Variants in CACNA1I observed in about 807,000 individuals in gnomAD.
CACNA1I encodes the protein voltage-dependent T-type calcium channel subunit alpha-1I.
CACNA1I carries 74 observed loss-of-function variants against 201.6 expected under a neutral mutation model. The observed-to-expected ratio is 0.37, with a 90% CI of 0.30 to 0.45. The LOEUF is 0.45. Among genes scored for constraint, CACNA1I ranks in the 20% least tolerant of loss-of-function variants. CACNA1I has a pLI of 1.00. For missense variants in CACNA1I, 2,346 were observed against 3,138.1 expected, an observed-to-expected ratio of 0.75 and a Z score of 6.03; for synonymous variants, 1,431 against 1,345.2, an observed-to-expected ratio of 1.06 and a Z score of -1.40.
Position 39,672,200 on chromosome 22 carries a change from C to A in CACNA1I, c.4541C>A (p.Ser1514Tyr). The stretch of plus-strand genomic sequence containing the variant: ...ATGCTTCTCTTTGTTCCTCCATAGT[C>A]CCTGGAGACAGCCCTCAAGTACTGC... ...MSLEHYNQPT[S>Y]LETALKYCNY... is the part of the protein sequence containing the mutation. Residue 1514 changes from serine (S) to tyrosine (Y), a missense_variant and splice_region_variant, in exon 27 of 37, where the codon TCC becomes TAC. Ser to Tyr is a moderately radical substitution (Grantham distance 144, BLOSUM62 -2). Transcript: ENST00000402142. 6.2e-7 allele frequency: 1 copy of A among 1,604,992 alleles called. No homozygotes were observed. Among genetic ancestry groups the A allele is most frequent in the Non-Finnish European group, 8.5e-7 (1 of 1,171,794 alleles).
chr22:39,655,898 T>A (rs968137516), intron 10 of CACNA1I, among the ~76,000 whole-genome samples: 3 of 152,196 alleles, frequency 2.0e-5, no homozygotes, highest in Non-Finnish European at 4.4e-5. Flanking sequence ...AGTGGCTCCC[T>A]GCATCCCTGG....
intron 1 of CACNA1I, chr22:39,571,240 G>A (rs1396112011): frequency 2.4e-5 from 13 of 548,008 alleles, no homozygotes; most frequent in Admixed American, 3.1e-5. Flanking sequence ...CCAGTGGCTG[G>A]CTGGCTCAGA....
chr22:39,662,755 G>GCT, intron 17 of CACNA1I, 21 bp from the exon 18 acceptor site: 1 of 1,527,942 alleles, frequency 6.5e-7, no homozygotes, highest in Non-Finnish European at 8.9e-7. Context: ...GACCCCCGGC[G>GCT]CTCCGTCCTC....
chr22:39,652,286 G>T (rs149959708), intron 10 of CACNA1I, among the ~76,000 whole-genome samples: 1 of 152,020 alleles, frequency 6.6e-6, no homozygotes, highest in Admixed American at 6.6e-5. Context: ...ATGAGCCACC[G>T]TGCCCAGCCA....
At position 39,662,003 on chromosome 22, in the gene CACNA1I, C is replaced by T; in HGVS notation, c.2940C>T (p.Arg980=). ...SRSSYYGPWG[R]SAAWASRRSS... is the part of the protein sequence containing the mutation. ...GCTCCTACTACGGGCCATGGGGCCG[C>T]AGCGCGGCCTGGGCCAGCCGTCGCT... is the stretch of plus-strand genomic sequence containing the variant. The change falls in exon 17 of 37, where the codon CGC becomes CGT. Residue 980 remains arginine (R), a synonymous_variant. Coordinates refer to ENST00000402142, the MANE Select transcript of CACNA1I (RefSeq NM_021096.4). The T allele has an allele frequency of 5.8e-6, 9 of 1,564,200 alleles. No individual in the cohort carries two copies. Among genetic ancestry groups the T allele is most frequent in the Non-Finnish European group, 7.8e-6 (9 of 1,159,932 alleles).
chr22:39,615,342 G>A (rs745653429), intron 3 of CACNA1I, among the ~76,000 whole-genome samples: 4 of 152,160 alleles, frequency 2.6e-5, no homozygotes, highest in African/African-American at 4.8e-5. Context: ...GGTTTTAAGT[G>A]GGAGTGACAC....
intron 1 of CACNA1I, among the ~76,000 whole-genome samples, chr22:39,581,860 A>G (rs1932562261): frequency 6.6e-6 from 1 of 152,154 alleles, no homozygotes; most frequent in Admixed American, 6.5e-5. Context: ...TCATCTGCCG[A>G]GTGGAGCCAT....
In CACNA1I at chr22:39,658,926, C is replaced by G. The variant is rs184179634; in HGVS notation, c.2145-5C>G. On this transcript the variant is annotated splice_polypyrimidine_tract_variant and splice_region_variant and intron_variant, in intron 11 of 36. Transcript: ENST00000402142. ...GTACCCTGGGCCTGCCCTGCGGGACCGCAGCATCTGGGAGATTGTGGGGCA... is the reference window on the plus strand; with the variant it reads ...GTACCCTGGGCCTGCCCTGCGGGACGGCAGCATCTGGGAGATTGTGGGGCA... 1 of 1,587,624 alleles carries G rather than the reference C, an allele frequency of 6.3e-7. No individual in the cohort carries two copies.
chr22:39,646,431 A>G, intron 7 of CACNA1I, 138 bp from the exon 8 acceptor site: 3 of 1,322,482 alleles, frequency 2.3e-6, no homozygotes, highest in South Asian at 1.6e-5. Flanking sequence ...CGCCATCTCC[A>G]TCTCCATCTC....
intron 1 of CACNA1I, among the ~76,000 whole-genome samples, chr22:39,590,456 C>A (rs932882404): frequency 3.3e-5 from 5 of 152,214 alleles, no homozygotes; most frequent in Non-Finnish European, 5.9e-5. Context: ...GGGACACAGC[C>A]AGACGGGCTG....
Position 39,662,186 on chromosome 22 carries a change from T to C in CACNA1I, c.3123T>C (p.His1041=). 1 of 1,528,958 alleles carries C rather than the reference T, an allele frequency of 6.5e-7. No homozygotes were observed. 94.7% of individuals were successfully genotyped at this position (1,528,958 alleles called of 1,614,324 possible). A position where few individuals can be genotyped will look rare whatever the true frequency, so the allele number is the denominator to read the frequency against. The change falls in exon 17 of 37, where the codon CAT becomes CAC. Residue 1041 remains histidine, a synonymous_variant. Coordinates refer to ENST00000402142, the MANE Select transcript of CACNA1I (RefSeq NM_021096.4). ...PLHTPHAHHI[H]HGPHLAHRHR... ...ACACCCCACACGCCCACCACATTCA[T>C]CACGGGCCCCATCTGGCGCACCGCC...
At chr22:39,578,472 T>C (rs1304861168) in intron 1 of CACNA1I, among the ~76,000 whole-genome samples, 1 of 152,052 alleles carries the variant, frequency 6.6e-6, no homozygotes, top group Non-Finnish European at 1.5e-5. Flanking sequence ...CCTGGGACCT[T>C]GCCCCACGTG....
intron 3 of CACNA1I, among the ~76,000 whole-genome samples, chr22:39,605,275 A>T (rs1933187012): frequency 1.3e-5 from 2 of 152,184 alleles, no homozygotes; most frequent in South Asian, 4.1e-4. Context: ...CACGGCCTTC[A>T]TCTCCACATC....
At chr22:39,669,274 G>A (rs543722477) in intron 24 of CACNA1I, among the ~76,000 whole-genome samples, 11 of 152,324 alleles carry the variant, frequency 7.2e-5, no homozygotes, top group African/African-American at 2.6e-4. Context: ...GGAGCTGGAC[G>A]TGGGGGTGGC....
chr22:39,688,944 C>G lies in CACNA1I; in HGVS notation c.*2539C>G, dbSNP rs1279439552. The G allele has an allele frequency of 1.3e-5, 2 of 152,748 alleles. No homozygotes were observed. Among genetic ancestry groups the G allele is most frequent in the Non-Finnish European group, 2.9e-5 (2 of 68,150 alleles). The allele number at this position is 152,748 out of a possible 1,614,324, so 9.5% of individuals were successfully genotyped here. ...TCCTGGAGGCCCCACCTGCCGATCC[C>G]AGGCACTTGACCTTGTTCCTGTGGG... On this transcript the variant is annotated 3_prime_UTR_variant, in exon 37 of 37. Transcript: ENST00000402142. The surrounding 1 kb of genome is among the most constrained non-coding windows in gnomAD (Gnocchi z 4.8).
At chr22:39,619,250 C>T (rs573572230) in intron 3 of CACNA1I, 60 bp from the exon 4 acceptor site, 10 of 1,325,502 alleles carry the variant, frequency 7.5e-6, no homozygotes, top group African/African-American at 4.3e-5. Flanking sequence ...TGCTGTGGCC[C>T]GGGCCCTGGC....
chr22:39,648,085 C>T lies in CACNA1I; in HGVS notation c.1567+159C>T, dbSNP rs1934545002. On this transcript the variant is annotated intron_variant, in intron 9 of 36. Transcript: ENST00000402142. This position sits in a 1 kb window ranked among gnomAD's most constrained non-coding sequence, Gnocchi z 5.4. The stretch of plus-strand genomic sequence containing the variant: ...TCTATAAAGTGAGGACAGGGGCCCC[C>T]AGCACGTGGCCGTCCACGGCGGGAG... 7.8e-6 allele frequency: 5 copies of T among 639,198 alleles called. No homozygotes were observed. Among genetic ancestry groups the T allele is most frequent in the East Asian group, 2.8e-5 (1 of 36,288 alleles). The allele number at this position is 639,198 out of a possible 1,614,324, so 39.6% of individuals were successfully genotyped here. A position where few individuals can be genotyped will look rare whatever the true frequency, so the allele number is the denominator to read the frequency against.
chr22:39,618,254 T>C (rs1328845015), intron 3 of CACNA1I, among the ~76,000 whole-genome samples: 1 of 15,780 alleles, frequency 6.3e-5, no homozygotes, highest in Non-Finnish European at 1.1e-4. Flanking sequence ...TGTGTGCCTG[T>C]GTGTGTGTGT....
chr22:39,601,601 AGTGTATGT>A (rs1387458005), intron 3 of CACNA1I, among the ~76,000 whole-genome samples: 2 of 151,760 alleles, frequency 1.3e-5, no homozygotes, highest in Non-Finnish European at 2.9e-5. Flanking sequence ...TGTGTGTGTC[AGTGTATGT>A]GTGTATGTGT....
Sources: allele counts gnomAD v4.1 joint callset (sites outside exome capture counted in the v4.1 genomes callset), GRCh38; gene constraint gnomAD v4.1.1; non-coding constraint Gnocchi (gnomAD v3.1); transcripts MANE v1.5; gene names NCBI Gene and HGNC (gene_info 2026-07-23, HGNC 2026-07-21).